The following ADGRG6 variants were observed in gnomAD, a reference collection of about 807,000 sequenced individuals.
ADGRG6 encodes the protein adhesion G protein-coupled receptor G6.
In ADGRG6, 84 loss-of-function variants were observed where a neutral mutation model predicts 142.4. That is an observed-to-expected ratio of 0.59 (90% CI 0.49 to 0.71). ADGRG6 has a LOEUF of 0.71. Ranked by LOEUF, ADGRG6 falls within the 30% of genes least tolerant of loss-of-function variation. The pLI, the probability that ADGRG6 is intolerant of heterozygous loss-of-function variation, is 0.00. For missense variants in ADGRG6, 1,367 were observed against 1,466.6 expected, an observed-to-expected ratio of 0.93 and a Z score of 1.11; for synonymous variants, 521 against 520.5, an observed-to-expected ratio of 1.00 and a Z score of -0.01.
At chr6:142,405,498 A>G (rs1179510656) in intron 14 of ADGRG6, 190 bp from the exon 15 acceptor site, 14 of 674,604 alleles carry the variant, frequency 2.1e-5, no homozygotes, top group African/African-American at 1.8e-5. Context: ...GTAAAACCCA[A>G]ATGAGATCTA....
intron 2 of ADGRG6, among the ~76,000 whole-genome samples, chr6:142,316,134 C>G (rs1778053200): frequency 6.6e-6 from 1 of 151,976 alleles, no homozygotes; most frequent in Non-Finnish European, 1.5e-5. Context: ...TTTAGTCATT[C>G]CTAAACTAAC....
chr6:142,329,595 C>T (rs1325826712), intron 2 of ADGRG6, among the ~76,000 whole-genome samples: 1 of 152,052 alleles, frequency 6.6e-6, no homozygotes, highest in Non-Finnish European at 1.5e-5. Flanking sequence ...TATAAACTAG[C>T]ATTTCCCCCT....
intron 10 of ADGRG6, among the ~76,000 whole-genome samples, chr6:142,398,829 A>T (rs111436900): frequency 0.011 from 1,681 of 152,314 alleles, 36 homozygotes; most frequent in African/African-American, 0.038. Context: ...TCAGAAGACC[A>T]TAGTACTTAG....
At position 142,302,339 on chromosome 6, in the gene ADGRG6, T is replaced by C. The variant is rs1171956689; in HGVS notation, c.2+8T>C. The C allele has an allele frequency of 6.2e-7, 1 of 1,612,646 alleles. No homozygotes were observed. The highest frequency in any genetic ancestry group is 1.1e-5 in the South Asian group (1 of 90,842). The stretch of plus-strand genomic sequence containing the variant: ...GCGCAGTAATGTCAACATGTAAGTC[T>C]CACCTTTCAGCTTGGAATTCCTTCA... On this transcript the variant is annotated splice_region_variant and intron_variant, in intron 1 of 24. Coordinates refer to ENST00000367609, the MANE Select transcript of ADGRG6 (RefSeq NM_198569.3).
At chr6:142,353,341 A>G (rs1780278490) in intron 2 of ADGRG6, among the ~76,000 whole-genome samples, 1 of 152,202 alleles carries the variant, frequency 6.6e-6, no homozygotes, top group South Asian at 2.1e-4. Context: ...CCATGATGTT[A>G]TTCTAATTAT....
intron 23 of ADGRG6, 30 bp downstream of exon 23, chr6:142,437,565 T>G (rs1055633589): frequency 1.5e-5 from 15 of 981,776 alleles, no homozygotes; most frequent in Non-Finnish European, 2.5e-5. Flanking sequence ...ATTTTACATC[T>G]ACAAGTAGAT....
intron 10 of ADGRG6, among the ~76,000 whole-genome samples, chr6:142,398,219 A>G (rs1008612856): frequency 6.6e-6 from 1 of 152,174 alleles, no homozygotes; most frequent in Admixed American, 6.5e-5. Flanking sequence ...TGAGCCCAGG[A>G]ATTCGAGACT....
intron 24 of ADGRG6, among the ~76,000 whole-genome samples, chr6:142,441,983 C>T (rs187783278): frequency 6.6e-6 from 1 of 152,254 alleles, no homozygotes; most frequent in African/African-American, 2.4e-5. Flanking sequence ...ATCCCATTTC[C>T]CTTTTTAGCC....
intron 22 of ADGRG6, among the ~76,000 whole-genome samples, chr6:142,429,121 C>A (rs1297066740): frequency 6.6e-6 from 1 of 152,104 alleles, no homozygotes; most frequent in Non-Finnish European, 1.5e-5. Context: ...ACTAACTATA[C>A]ATTAAATGAG....
At chr6:142,392,828 A>C in intron 7 of ADGRG6, 120 bp from the exon 8 acceptor site, 1 of 669,314 alleles carries the variant, frequency 1.5e-6, no homozygotes, top group Non-Finnish European at 2.7e-6. Flanking sequence ...CACTCCTCCA[A>C]CTCTTCAGGA....
chr6:142,397,335 G>A (rs766660557), intron 9 of ADGRG6, among the ~76,000 whole-genome samples: 14 of 151,814 alleles, frequency 9.2e-5, no homozygotes, highest in African/African-American at 1.7e-4. Context: ...ACTATATAAT[G>A]TATTACTATA....
intron 8 of ADGRG6, among the ~76,000 whole-genome samples, chr6:142,393,488 TC>T (rs1427555781): frequency 1.3e-5 from 2 of 152,132 alleles, no homozygotes; most frequent in East Asian, 3.9e-4. Context: ...TGTCCATATA[TC>T]CTCCTGTGTA....
chr6:142,369,052 T>C (rs904948904), intron 3 of ADGRG6, among the ~76,000 whole-genome samples: 1 of 152,200 alleles, frequency 6.6e-6, no homozygotes, highest in African/African-American at 2.4e-5. Flanking sequence ...TCATAGATTT[T>C]TACTAGAATA....
intron 22 of ADGRG6, among the ~76,000 whole-genome samples, chr6:142,422,730 G>A (rs2115111519): frequency 6.7e-6 from 1 of 148,598 alleles, no homozygotes; most frequent in Admixed American, 6.8e-5. Context: ...GATCCCTGAG[G>A]AATCGCCACA....
intron 22 of ADGRG6, among the ~76,000 whole-genome samples, chr6:142,434,054 TAAAA>T (rs1249362386): frequency 1.3e-5 from 2 of 150,290 alleles, no homozygotes; most frequent in Admixed American, 1.3e-4. Context: ...ATCTGTCTCT[TAAAA>T]AAGAAAAAAC....
intron 22 of ADGRG6, among the ~76,000 whole-genome samples, chr6:142,435,575 CT>C (rs149023725): frequency 0.072 from 10,949 of 152,158 alleles, 557 homozygotes; most frequent in East Asian, 0.25. Flanking sequence ...CTCATGTAGA[CT>C]ACATGATTGA....
chr6:142,425,430 C>A lies in ADGRG6; in HGVS notation c.3319+5326C>A, dbSNP rs1395654023. Among the ~76,000 whole-genome samples the A allele has an allele frequency of 2.0e-5, 3 of 152,198 alleles. No individual in the cohort carries two copies. In the East Asian group the frequency reaches 5.8e-4, roughly 29 times the overall value. On this transcript the variant is annotated intron_variant, in intron 22 of 24. Coordinates refer to ENST00000367609, the MANE Select transcript of ADGRG6 (RefSeq NM_198569.3). The stretch of plus-strand genomic sequence containing the variant: ...CATTGATTTGCTCATTAAACTCTTA[C>A]TTTTCTAGAATGATTCGAGTAAGAA...
intron 22 of ADGRG6, among the ~76,000 whole-genome samples, chr6:142,434,558 T>C (rs939237568): frequency 6.6e-6 from 1 of 152,090 alleles, no homozygotes; most frequent in African/African-American, 2.4e-5. Context: ...CCTGACCTCA[T>C]GATCCACCTG....
chr6:142,370,869 T>G (rs1255143375), intron 4 of ADGRG6, 76 bp downstream of exon 4: 14 of 1,390,266 alleles, frequency 1.0e-5, no homozygotes, highest in Non-Finnish European at 1.3e-5. Flanking sequence ...CAAAGAATTA[T>G]ACATACACAC....
Sources: allele counts gnomAD v4.1 joint callset (sites outside exome capture counted in the v4.1 genomes callset), GRCh38; gene constraint gnomAD v4.1.1; transcripts MANE v1.5; gene names NCBI Gene and HGNC (gene_info 2026-07-23, HGNC 2026-07-21).